Variants in MID2 observed in about 807,000 individuals in gnomAD.
MID2 encodes the protein midline 2.
In MID2, 13 loss-of-function variants were observed where a neutral mutation model predicts 46.1. The ratio of observed to expected loss-of-function variants is 0.28; its 90% confidence interval spans 0.18 to 0.45. The LOEUF (loss-of-function observed/expected upper bound fraction) is 0.45. Among genes scored for constraint, MID2 ranks in the 20% least tolerant of loss-of-function variants. MID2 has a pLI of 1.00. For synonymous variants in MID2, 199 were observed against 212.3 expected (o/e 0.94, Z 0.55); for missense variants, 431 against 575.4 (o/e 0.75, Z 2.57).
intron 7 of MID2, among the ~76,000 whole-genome samples, chrX:107,919,174 CA>C (rs1255758832): frequency 8.1e-5 from 9 of 111,412 alleles, no homozygotes; most frequent in Admixed American, 4.8e-4. Flanking sequence ...TAAATAATAA[CA>C]ACAATAATAA....
rs557607636 is a variant in MID2, at chrX:107,858,787, A to G, written c.816+4083A>G. 2.0e-4 allele frequency among the ~76,000 whole-genome samples: 22 copies of G among 112,242 alleles called. No homozygotes were observed. In the South Asian group the frequency reaches 8.3e-3, roughly 42 times the overall value. On this transcript the variant is annotated intron_variant, in intron 3 of 9. Coordinates refer to ENST00000262843, the MANE Select transcript of MID2 (RefSeq NM_012216.4). ...TGAGTAAATTAAAACACTTTCCTGT[A>G]TATTTTGTGTGCCACCTTTTTCTTC...
At chrX:107,850,588 C>T (rs1191209383) in intron 2 of MID2, among the ~76,000 whole-genome samples, 5 of 112,305 alleles carry the variant, frequency 4.5e-5, no homozygotes, top group Admixed American at 1.9e-4. Flanking sequence ...AAAGCATTTT[C>T]ATATTAATGA....
rs1433700906 is a variant in MID2, at chrX:107,861,280, G to A, written c.816+6576G>A. On this transcript the variant is annotated intron_variant, in intron 3 of 9. Coordinates refer to ENST00000262843, the MANE Select transcript of MID2 (RefSeq NM_012216.4). ...GAGGGAGAAGGTTCTACGCAAATATGAAGATGGAACATAAATTCAAAGAGG... is the reference window on the plus strand; with the variant it reads ...GAGGGAGAAGGTTCTACGCAAATATAAAGATGGAACATAAATTCAAAGAGG... Among the ~76,000 whole-genome samples, 3 of 111,739 alleles carry A rather than the reference G, an allele frequency of 2.7e-5. No individual in the cohort carries two copies. In the South Asian group the frequency reaches 1.1e-3, roughly 42 times the overall value.
At chrX:107,842,706 A>G (rs1931375378) in intron 2 of MID2, among the ~76,000 whole-genome samples, 1 of 112,322 alleles carries the variant, frequency 8.9e-6, no homozygotes, top group African/African-American at 3.2e-5. Flanking sequence ...TGTGTAGCAA[A>G]TTCAATTTTT....
rs770632410 is a variant in MID2 at position 107,880,563 on chromosome X, C to T, written c.817-23395C>T. On this transcript the variant is annotated intron_variant, in intron 3 of 9. Coordinates refer to ENST00000262843, the MANE Select transcript of MID2 (RefSeq NM_012216.4). ...AGGTACAGGTGGAGCCATTCATGGTCAGATCTACAAAAAAACCTGAAAAGG... is the reference window on the plus strand; with the variant it reads ...AGGTACAGGTGGAGCCATTCATGGTTAGATCTACAAAAAAACCTGAAAAGG... Among the ~76,000 whole-genome samples the T allele has an allele frequency of 4.5e-5, 5 of 111,278 alleles. No individual in the cohort carries two copies. The South Asian group carries it at 1.9e-3, about 43-fold the overall frequency.
At chrX:107,887,334 G>A (rs942213913) in intron 3 of MID2, among the ~76,000 whole-genome samples, 5 of 112,050 alleles carry the variant, frequency 4.5e-5, no homozygotes, top group African/African-American at 9.8e-5. Flanking sequence ...TTAGCATGAA[G>A]GGTTGTTGAA....
intron 3 of MID2, among the ~76,000 whole-genome samples, chrX:107,871,386 G>A (rs73249884): frequency 0.074 from 8,188 of 111,073 alleles, 280 homozygotes; most frequent in East Asian, 0.17. Flanking sequence ...GCGCTTTTGG[G>A]TGCTGGCAGG....
intron 3 of MID2, among the ~76,000 whole-genome samples, chrX:107,898,391 G>T (rs1025686686): frequency 4.5e-5 from 5 of 111,580 alleles, no homozygotes; most frequent in Non-Finnish European, 7.5e-5. Flanking sequence ...GCCTAAACTT[G>T]TCTCCCCTTA....
Position 107,884,285 on chromosome X carries a change from C to T in MID2, c.817-19673C>T, listed in dbSNP as rs765196885. On this transcript the variant is annotated intron_variant, in intron 3 of 9. Coordinates refer to ENST00000262843, the MANE Select transcript of MID2 (RefSeq NM_012216.4). ...AGAAGTACTTTTTGGGAAAGAGGTA[C>T]CAGACCAGCGTAGCAACTTGGAGTT... Among the ~76,000 whole-genome samples the T allele has an allele frequency of 9.0e-4, 101 of 111,982 alleles. No homozygotes were observed. In the Middle Eastern group the frequency reaches 0.014, roughly 15 times the overall value.
In MID2 at chrX:107,830,368, C is replaced by T. The variant is rs760598198; in HGVS notation, c.4+3938C>T. Among the ~76,000 whole-genome samples, 22 of 111,668 alleles carry T rather than the reference C, an allele frequency of 2.0e-4. No individual in the cohort carries two copies. In the South Asian group the frequency reaches 5.3e-3, roughly 27 times the overall value. On this transcript the variant is annotated intron_variant, in intron 1 of 9. Coordinates refer to ENST00000262843, the MANE Select transcript of MID2 (RefSeq NM_012216.4). ...ATCCTTGCTGTTAGGCCATGGGGCTCGGCTGCTAGTAGAGGCCAGGGGGTG... is the reference window on the plus strand; with the variant it reads ...ATCCTTGCTGTTAGGCCATGGGGCTTGGCTGCTAGTAGAGGCCAGGGGGTG...
chrX:107,846,763 T>A (rs775807662), intron 2 of MID2, among the ~76,000 whole-genome samples: 13 of 112,112 alleles, frequency 1.2e-4, no homozygotes, highest in Non-Finnish European at 2.4e-4. Context: ...AGCAAGTAGA[T>A]ACTCCTATTA....
chrX:107,924,069 G>A (rs1285133418), intron 7 of MID2, among the ~76,000 whole-genome samples: 1 of 111,987 alleles, frequency 8.9e-6, no homozygotes, highest in East Asian at 2.8e-4. Context: ...AGCCATTCCT[G>A]TGTTATCTGG....
At chrX:107,842,047 C>T (rs1931359550) in intron 2 of MID2, among the ~76,000 whole-genome samples, 1 of 112,363 alleles carries the variant, frequency 8.9e-6, no homozygotes, top group African/African-American at 3.2e-5. Context: ...CAGTATACCA[C>T]GAAATTGGGA....
chrX:107,896,135 T>A (rs1051380391), intron 3 of MID2: 6 of 111,327 alleles, frequency 5.4e-5, no homozygotes, highest in Admixed American at 3.8e-4. Context: ...TCGCTTGAGG[T>A]CAGGTGTTCG....
chrX:107,894,196 CT>C (rs1033247369), intron 3 of MID2, among the ~76,000 whole-genome samples: 65 of 104,836 alleles, frequency 6.2e-4, no homozygotes, highest in Admixed American at 1.1e-3. Context: ...GTGTCCTATC[CT>C]TTTTTTTTTT....
intron 2 of MID2, among the ~76,000 whole-genome samples, chrX:107,849,109 A>C (rs1931553371): frequency 8.9e-6 from 1 of 112,430 alleles, no homozygotes; most frequent in East Asian, 2.8e-4. Context: ...ACATAAAAGC[A>C]GTCAGGATCT....
chrX:107,839,961 T>C (rs776282408), intron 1 of MID2, among the ~76,000 whole-genome samples: 18 of 112,144 alleles, frequency 1.6e-4, no homozygotes, highest in Non-Finnish European at 2.8e-4. Flanking sequence ...CTTGATGAAC[T>C]GAAGGGGTTT....
intron 3 of MID2, among the ~76,000 whole-genome samples, chrX:107,863,959 G>A (rs1931908143): frequency 1.8e-5 from 2 of 112,331 alleles, no homozygotes; most frequent in South Asian, 7.3e-4. Flanking sequence ...ACAATCCTGT[G>A]ATACAGCTGG....
At chrX:107,925,425 T>C (rs1602512663) in intron 8 of MID2, among the ~76,000 whole-genome samples, 1 of 112,211 alleles carries the variant, frequency 8.9e-6, no homozygotes, top group South Asian at 3.7e-4. Context: ...TGTCATATGG[T>C]TATAAAGAAT....
Sources: gnomAD v4.1 joint callset for allele counts (sites outside exome capture counted in the v4.1 genomes callset) on GRCh38, gnomAD v4.1.1 for gene constraint, MANE v1.5 for transcripts, NCBI Gene and HGNC (gene_info 2026-07-23, HGNC 2026-07-21) for gene names.